Variants in RPL9 observed in about 807,000 individuals in gnomAD.
RPL9 encodes large ribosomal subunit protein uL6.
For missense variants in RPL9, 149 were observed against 236.7 expected, an observed-to-expected ratio of 0.63 and a Z score of 2.43; for synonymous variants, 82 against 77.1, an observed-to-expected ratio of 1.06 and a Z score of -0.33.
At position 39,458,123 on chromosome 4, in the gene RPL9, G is replaced by A. The variant is rs758124425; in HGVS notation, c.162+71C>T. 1.2e-5 allele frequency: 17 copies of A among 1,472,070 alleles called. No individual in the cohort carries two copies. In the Admixed American group the frequency reaches 2.8e-4, roughly 24 times the overall value. The allele number at this position is 1,472,070 out of a possible 1,614,324, so 91.2% of individuals were successfully genotyped here. A position where few individuals can be genotyped will look rare whatever the true frequency, so the allele number is the denominator to read the frequency against. ...GAACCTTAATTCGAAAATTGTTAAA[G>A]CAACCAAATGTGATGCTGTTATAAA... On this transcript the variant is annotated intron_variant, in intron 3 of 7. Coordinates refer to ENST00000295955, the MANE Select transcript of RPL9 (RefSeq NM_000661.5).
chr4:39,457,736 A>AC, intron 3 of RPL9, 55 bp from the exon 4 acceptor site: 1 of 1,352,722 alleles, frequency 7.4e-7, no homozygotes, highest in Non-Finnish European at 1.1e-6. Context: ...TTAAAAGACA[A>AC]CAGACCACTT....
At chr4:39,454,351 T>A (rs1199916612) in intron 7 of RPL9, 126 bp from the exon 8 acceptor site, 1 of 551,668 alleles carries the variant, frequency 1.8e-6, no homozygotes, top group Non-Finnish European at 3.2e-6. Context: ...TACTGATTCA[T>A]AGTAAACTAT....
chr4:39,455,231 C>G (rs1560658952), intron 5 of RPL9: 2 of 253,390 alleles, frequency 7.9e-6, no homozygotes, highest in Non-Finnish European at 1.5e-5. Flanking sequence ...GCCTATACTC[C>G]CAGCTACTCA....
chr4:39,456,599 A>G (rs751485347), intron 4 of RPL9, 61 bp from the exon 5 acceptor site: 5 of 1,564,232 alleles, frequency 3.2e-6, no homozygotes, highest in Admixed American at 3.8e-5. Flanking sequence ...ATAGTTTTAA[A>G]ATTTTCTAAG....
chr4:39,458,375 AAG>A lies in RPL9; in HGVS notation c.46+17_46+18del, dbSNP rs767558606. Reference sequence around the variant, plus strand: ...GAACGTGCAGTAAAGATGTAAGTAAAAGACATCAAGTCTCATACCATTTTCTG... The same window carrying A: ...GAACGTGCAGTAAAGATGTAAGTAAAACATCAAGTCTCATACCATTTTCTG... On this transcript the variant is annotated intron_variant, in intron 2 of 7. Transcript: ENST00000295955. 3.5e-5 allele frequency: 57 copies of A among 1,613,980 alleles called. No individual in the cohort carries two copies. Among genetic ancestry groups the A allele is most frequent in the Non-Finnish European group, 4.7e-5 (56 of 1,179,924 alleles).
chr4:39,458,058 GGCTGGTATTCTGGACAGCAACATTTAAA>G (rs1233298880), intron 3 of RPL9, 108 bp downstream of exon 3: 1 of 875,090 alleles, frequency 1.1e-6, no homozygotes, highest in South Asian at 1.4e-5. Context: ...TCACTGAACA[GGCTGGTATTCTGGACAGCAACATTTAAA>G]GCTGAAGCAC....
At chr4:39,454,420 A>G (rs1428787899) in intron 7 of RPL9, 113 bp downstream of exon 7, 7 of 775,530 alleles carry the variant, frequency 9.0e-6, no homozygotes, top group Non-Finnish European at 1.4e-5. Flanking sequence ...TGTGTTCCAG[A>G]ATGCTTAACT....
At chr4:39,457,781 A>C (rs1160169943) in intron 3 of RPL9, 100 bp from the exon 4 acceptor site, 1 of 995,186 alleles carries the variant, frequency 1.0e-6, no homozygotes. Context: ...ATTAACCCTT[A>C]TCAAAGCACA....
rs573396427 is a variant in RPL9, at chr4:39,456,726, C to A, written c.259-188G>T. 8 of 626,028 alleles carry A rather than the reference C, an allele frequency of 1.3e-5. No homozygotes were observed. In the South Asian group the frequency reaches 1.7e-4, roughly 13 times the overall value. 38.8% of individuals were successfully genotyped at this position (626,028 alleles called of 1,614,324 possible). ...ATTCAGTGGACTGTAAAGCTCCTTGCGGAGGCTTTATTTCACTAGCTCTTA... is the reference window on the plus strand; with the variant it reads ...ATTCAGTGGACTGTAAAGCTCCTTGAGGAGGCTTTATTTCACTAGCTCTTA... On this transcript the variant is annotated intron_variant, in intron 4 of 7. Transcript: ENST00000295955.
chr4:39,457,569 C>A lies in RPL9; in HGVS notation c.258+17G>T. On this transcript the variant is annotated intron_variant, in intron 4 of 7. Transcript: ENST00000295955. The stretch of plus-strand genomic sequence containing the variant: ...ACCTCCCTTTCCAAAACAAGGAAGT[C>A]TGATACATCTGCTTACCAGTGTAAC... The A allele has an allele frequency of 1.2e-6, 2 of 1,600,600 alleles. No homozygotes were observed. Among genetic ancestry groups the A allele is most frequent in the South Asian group, 2.2e-5 (2 of 90,814 alleles).
At chr4:39,455,586 C>T (rs1198323590) in intron 5 of RPL9, among the ~76,000 whole-genome samples, 1 of 151,946 alleles carries the variant, frequency 6.6e-6, no homozygotes, top group Non-Finnish European at 1.5e-5. Flanking sequence ...TCAGCCTGGG[C>T]AACGTGGCGA....
chr4:39,458,035 T>C (rs773996283), intron 3 of RPL9, 159 bp downstream of exon 3: 1 of 771,226 alleles, frequency 1.3e-6, no homozygotes, highest in Non-Finnish European at 2.3e-6. Flanking sequence ...GTTCAGAATC[T>C]GGTTTTTCAA....
intron 5 of RPL9, 40 bp from the exon 6 acceptor site, chr4:39,454,984 GT>G (rs1744029497): frequency 6.4e-7 from 1 of 1,559,728 alleles, no homozygotes; most frequent in African/African-American, 1.4e-5. Context: ...TCAAATCTGT[GT>G]AAAAAATATT....
chr4:39,458,562 G>A (rs988348061), intron 1 of RPL9, 122 bp from the exon 2 acceptor site: 15 of 1,040,588 alleles, frequency 1.4e-5, no homozygotes, highest in Admixed American at 1.1e-4. Flanking sequence ...GATGTCGGAG[G>A]ACGGGAGACC....
At chr4:39,458,545 C>A in intron 1 of RPL9, 105 bp from the exon 2 acceptor site, 2 of 1,254,736 alleles carry the variant, frequency 1.6e-6, no homozygotes, top group Admixed American at 3.8e-5. Context: ...GCGGAAGTTC[C>A]AGACAAGATG....
In RPL9 at chr4:39,458,277, C is replaced by T. The variant is rs1210244189; in HGVS notation, c.79G>A (p.Val27Met). ...CGCAGGGTTCCTCTGGGGCCCTTCA[C>T]GATAACTGTGCGTCCCTTCAGAGTA... is the stretch of plus-strand genomic sequence containing the variant. ...DITLKGRTVI[V>M]KGPRGTLRRD... is the part of the protein sequence containing the mutation. The change falls in exon 3 of 8, where the codon GTG becomes ATG. Residue 27 changes from valine to methionine, a missense_variant. Physicochemically the swap from Val to Met is conservative, Grantham distance 21 (BLOSUM62 1). Coordinates refer to ENST00000295955, the MANE Select transcript of RPL9 (RefSeq NM_000661.5). The T allele has an allele frequency of 1.9e-6, 3 of 1,613,994 alleles. No individual in the cohort carries two copies. Among genetic ancestry groups the T allele is most frequent in the Admixed American group, 1.7e-5 (1 of 59,990 alleles).
intron 5 of RPL9, 190 bp from the exon 6 acceptor site, chr4:39,455,134 G>A (rs938969741): frequency 2.1e-5 from 11 of 534,076 alleles, no homozygotes; most frequent in African/African-American, 1.9e-4. Flanking sequence ...CGGATCATGA[G>A]GTCAGGAGAT....
At chr4:39,458,653 C>T (rs1744240201) in intron 1 of RPL9, 1 of 624,426 alleles carries the variant, frequency 1.6e-6, no homozygotes, top group Non-Finnish European at 2.8e-6. Flanking sequence ...CGAACTCCCA[C>T]TCAGCCCAAC....
intron 5 of RPL9, 166 bp downstream of exon 5, chr4:39,456,240 C>T: frequency 1.5e-6 from 1 of 684,316 alleles, no homozygotes; most frequent in South Asian, 1.6e-5. Flanking sequence ...CCTTAAGTAG[C>T]ACCAACAGTT....
Sources: gnomAD v4.1 joint callset for allele counts (sites outside exome capture counted in the v4.1 genomes callset) on GRCh38, gnomAD v4.1.1 for gene constraint, MANE v1.5 for transcripts, NCBI Gene and HGNC (gene_info 2026-07-23, HGNC 2026-07-21) for gene names.